The following ABI3 variants were observed in gnomAD, a reference collection of about 807,000 sequenced individuals.
The protein encoded by ABI3 is ABI family member 3, also known as ABI gene family member 3.
In ABI3, 24 loss-of-function variants were observed where a neutral mutation model predicts 37.0. The observed-to-expected ratio is 0.65, with a 90% CI of 0.47 to 0.91. ABI3 has a LOEUF of 0.91. Among genes scored for constraint, ABI3 ranks in the 40% least tolerant of loss-of-function variants. The pLI is 0.00. For synonymous variants in ABI3, 220 were observed against 211.8 expected, an observed-to-expected ratio of 1.04 and a Z score of -0.34; for missense variants, 481 against 485.1, an observed-to-expected ratio of 0.99 and a Z score of 0.08.
At position 49,216,539 on chromosome 17, in the gene ABI3, C is replaced by T. The variant is rs1437505383; in HGVS notation, c.126C>T (p.Asp42=). The change falls in exon 2 of 8, where the codon GAC becomes GAT. Residue 42 remains aspartate, a synonymous_variant. Transcript: ENST00000225941. The stretch of plus-strand genomic sequence containing the variant: ...GGCTGTGTGTATTTCAGGCCACAGA[C>T]AAGCGGAAGGCGCTGGAGGAGACCA... The part of the protein sequence containing the change: ...YCEDNYVQAT[D]KRKALEETMA... 1 of 1,580,548 alleles carries T rather than the reference C, an allele frequency of 6.3e-7. No homozygotes were observed. The highest frequency in any genetic ancestry group is 2.3e-5 in the East Asian group (1 of 43,784).
rs2043222108 is a variant in ABI3, at chr17:49,216,677, C to T, written c.264C>T (p.Ala88=). 6.3e-7 allele frequency: 1 copy of T among 1,590,310 alleles called. No homozygotes were observed. The change falls in exon 2 of 8, where the codon GCC becomes GCT. Residue 88 remains alanine, a synonymous_variant. Transcript: ENST00000225941. ...GGGCCGCCCTGCGGCAGGTGGAAGCCCGTGTAAGCACGCTGGGCCAGGTAA... is the reference window on the plus strand; with the variant it reads ...GGGCCGCCCTGCGGCAGGTGGAAGCTCGTGTAAGCACGCTGGGCCAGGTAA... ...LQGAALRQVE[A]RVSTLGQMVN...
chr17:49,220,862 AATAATAAT>A (rs975428140), intron 6 of ABI3, among the ~76,000 whole-genome samples: 12 of 142,210 alleles, frequency 8.4e-5, no homozygotes, highest in African/African-American at 3.1e-4. Context: ...TAATAATAAT[AATAATAAT>A]AATAATAATA....
intron 1 of ABI3, among the ~76,000 whole-genome samples, chr17:49,214,341 G>A (rs2043199494): frequency 6.6e-6 from 1 of 152,192 alleles, no homozygotes; most frequent in Admixed American, 6.5e-5. Context: ...CCAGAGATGA[G>A]GAAGCTGCCC....
Position 49,219,519 on chromosome 17 carries a change from C to G in ABI3, c.463-21C>G. On this transcript the variant is annotated intron_variant, in intron 3 of 7. Transcript: ENST00000225941. This position sits in a 1 kb window ranked among gnomAD's most constrained non-coding sequence, Gnocchi z 4.3. ...AGGCCCCTCACCCCAAATGTAAGCC[C>G]TACCTCCCGCTCCCTCGCAGGACCT... 1 of 1,579,804 alleles carries G rather than the reference C, an allele frequency of 6.3e-7. No individual in the cohort carries two copies. The highest frequency in any genetic ancestry group is 8.6e-7 in the Non-Finnish European group (1 of 1,162,084).
At chr17:49,216,439 T>C (rs997563061) in intron 1 of ABI3, 92 bp from the exon 2 acceptor site, 25 of 1,260,504 alleles carry the variant, frequency 2.0e-5, no homozygotes, top group Non-Finnish European at 2.4e-5. Flanking sequence ...ATCCAGCCCC[T>C]ACTTTCCCTA....
chr17:49,217,340 A>G (rs1008058142), intron 2 of ABI3, among the ~76,000 whole-genome samples: 11 of 152,050 alleles, frequency 7.2e-5, no homozygotes, highest in African/African-American at 2.7e-4. Context: ...GAGGAAGTCA[A>G]TTTACTTATT....
rs572920855 is a variant in ABI3 at position 49,220,915 on chromosome 17, G to A, written c.802+589G>A. On this transcript the variant is annotated intron_variant, in intron 6 of 7. Coordinates refer to ENST00000225941, the MANE Select transcript of ABI3 (RefSeq NM_016428.3). ...ATAAACTTAATCCTAAGGGCCAGGC[G>A]GGGTGGCTCACGGCCGTAATCCCGG... Among the ~76,000 whole-genome samples the A allele has an allele frequency of 4.6e-5, 7 of 151,512 alleles. No individual in the cohort carries two copies. In the East Asian group the frequency reaches 5.8e-4, roughly 13 times the overall value.
At chr17:49,215,903 A>C (rs1598240420) in intron 1 of ABI3, among the ~76,000 whole-genome samples, 1 of 149,480 alleles carries the variant, frequency 6.7e-6, no homozygotes, top group South Asian at 2.3e-4. Context: ...CGGGAGTTTG[A>C]GACCAGCCTG....
In ABI3 at chr17:49,219,325, G is replaced by T. The variant is rs536251101; in HGVS notation, c.463-215G>T. 1.3e-5 allele frequency among the ~76,000 whole-genome samples: 2 copies of T among 152,102 alleles called. No homozygotes were observed. The highest frequency in any genetic ancestry group is 2.9e-5 in the Non-Finnish European group (2 of 68,026). ...TGGCTGTGCAGAGGAAGTGGCTGTG[G>T]GCTTTGGTAGAACTGAGTCCCAGAA... On this transcript the variant is annotated intron_variant, in intron 3 of 7. Transcript: ENST00000225941. The surrounding 1 kb of genome is among the most constrained non-coding windows in gnomAD (Gnocchi z 4.3).
chr17:49,221,547 G>A (rs1209716771), intron 6 of ABI3, among the ~76,000 whole-genome samples: 1 of 152,144 alleles, frequency 6.6e-6, no homozygotes, highest in Non-Finnish European at 1.5e-5. Flanking sequence ...AGCCACTGAC[G>A]CTGAGGTTCA....
At position 49,220,225 on chromosome 17, in the gene ABI3, C is replaced by A. The variant is rs1432189050; in HGVS notation, c.701C>A (p.Ala234Asp). ...CCCAAGGGGCAGGCAGCACCTCCAGCCCCACCTCTCCCCAGCTCCTTGGAC... is the reference window on the plus strand; with the variant it reads ...CCCAAGGGGCAGGCAGCACCTCCAGACCCACCTCTCCCCAGCTCCTTGGAC... ...PTPKGQAAPP[A>D]PPLPSSLDPP... The change falls in exon 6 of 8, where the codon GCC (alanine) becomes GAC (aspartate). Residue 234 changes from alanine (A) to aspartate (D), a missense_variant. By Grantham distance (126) the Ala-to-Asp change is moderately radical. Transcript: ENST00000225941. 4 of 1,611,562 alleles carry A rather than the reference C, an allele frequency of 2.5e-6. No homozygotes were observed. Among genetic ancestry groups the A allele is most frequent in the Non-Finnish European group, 3.4e-6 (4 of 1,179,672 alleles).
At position 49,222,094 on chromosome 17, in the gene ABI3, A is replaced by G. The variant is rs1172931594; in HGVS notation, c.806A>G (p.Glu269Gly). The change falls in exon 7 of 8, where the codon GAA (glutamate) becomes GGA (glycine). Residue 269 changes from glutamate (E) to glycine (G), a missense_variant. By Grantham distance (98) the Glu-to-Gly change is moderately conservative (BLOSUM62 -2). Transcript: ENST00000225941. ...GCCTTTCTGCTTTTCCCCCAAGACG[A>G]AGAGCTGCCCCTGCCACTGGACCTG... ...LEELSPPPPDEELPLPLDLPP... is the reference protein window; with the variant it reads ...LEELSPPPPDGELPLPLDLPP... 1.3e-6 allele frequency: 2 copies of G among 1,596,610 alleles called. No homozygotes were observed. Among genetic ancestry groups the G allele is most frequent in the Non-Finnish European group, 1.7e-6 (2 of 1,171,648 alleles).
chr17:49,221,940 A>C, intron 6 of ABI3, 151 bp from the exon 7 acceptor site: 1 of 1,063,648 alleles, frequency 9.4e-7, no homozygotes, highest in Non-Finnish European at 1.3e-6. Flanking sequence ...GCTGGTCTCG[A>C]ACTCCTGGCC....
chr17:49,221,464 C>T (rs529589753), intron 6 of ABI3, among the ~76,000 whole-genome samples: 104 of 152,048 alleles, frequency 6.8e-4, no homozygotes, highest in Admixed American at 1.4e-3. Context: ...CAGCGAGACT[C>T]GGTCTCAAAA....
Position 49,219,375 on chromosome 17 carries a change from G to A in ABI3, c.463-165G>A, listed in dbSNP as rs1176266046. 6.6e-6 allele frequency among the ~76,000 whole-genome samples: 1 copy of A among 152,070 alleles called. No homozygotes were observed. The highest frequency in any genetic ancestry group is 6.6e-5 in the Admixed American group (1 of 15,266). On this transcript the variant is annotated intron_variant, in intron 3 of 7. Transcript: ENST00000225941. The surrounding 1 kb of genome is among the most constrained non-coding windows in gnomAD (Gnocchi z 4.3). The stretch of plus-strand genomic sequence containing the variant: ...ACCCAGGCAATGACAAGGGGGTGGG[G>A]TGGGGGAAGTGTAGGAGAGGGGCCT...
Position 49,217,794 on chromosome 17 carries a change from C to G in ABI3, c.341C>G (p.Thr114Ser). The change falls in exon 3 of 8, where the codon ACT becomes AGT. Residue 114 changes from threonine to serine, a missense_variant. Thr to Ser is a moderately conservative substitution (Grantham distance 58, BLOSUM62 1). Transcript: ENST00000225941. ...VARREIGTLA[T>S]VQRLPPGQKV... ...CGAAGGGAGATCGGCACCTTAGCCACTGTCCAGCGGCTGCCCCCCGGCCAG... is the reference window on the plus strand; with the variant it reads ...CGAAGGGAGATCGGCACCTTAGCCAGTGTCCAGCGGCTGCCCCCCGGCCAG... The G allele has an allele frequency of 1.2e-6, 2 of 1,611,908 alleles. No individual in the cohort carries two copies. Among genetic ancestry groups the G allele is most frequent in the Non-Finnish European group, 1.7e-6 (2 of 1,179,078 alleles).
At position 49,216,534 on chromosome 17, in the gene ABI3, A is replaced by C. The variant is rs2043219439; in HGVS notation, c.121A>C (p.Thr41Pro). Residue 41 changes from threonine to proline, a missense_variant, in exon 2 of 8, where the codon ACA (threonine) becomes CCA (proline). Thr to Pro is a conservative substitution (Grantham distance 38, BLOSUM62 -1). Coordinates refer to ENST00000225941, the MANE Select transcript of ABI3 (RefSeq NM_016428.3). Reference sequence around the variant, plus strand: ...GCCAGGGCTGTGTGTATTTCAGGCCACAGACAAGCGGAAGGCGCTGGAGGA... The same window carrying C: ...GCCAGGGCTGTGTGTATTTCAGGCCCCAGACAAGCGGAAGGCGCTGGAGGA... ...DYCEDNYVQA[T>P]DKRKALEETM... 6.3e-7 allele frequency: 1 copy of C among 1,574,856 alleles called. No individual in the cohort carries two copies. The highest frequency in any genetic ancestry group is 2.3e-5 in the East Asian group (1 of 43,664).
chr17:49,222,276 C>T (rs1266901998), intron 7 of ABI3, 51 bp downstream of exon 7: 1 of 1,581,186 alleles, frequency 6.3e-7, no homozygotes, highest in Admixed American at 1.8e-5. Flanking sequence ...CCTCTGTTGC[C>T]CTGATCCCCA....
At chr17:49,217,958 C>T (rs764647230) in intron 3 of ABI3, 43 bp downstream of exon 3, 25 of 1,468,038 alleles carry the variant, frequency 1.7e-5, no homozygotes, top group Middle Eastern at 1.8e-4. Context: ...CCCACCCTCT[C>T]GTGCCTTGTG....
Sources: allele counts gnomAD v4.1 joint callset (sites outside exome capture counted in the v4.1 genomes callset), GRCh38; gene constraint gnomAD v4.1.1; non-coding constraint Gnocchi (gnomAD v3.1); transcripts MANE v1.5; gene names NCBI Gene and HGNC (gene_info 2026-07-23, HGNC 2026-07-21).